The following OPCML variants were observed in gnomAD, a reference collection of about 807,000 sequenced individuals.
OPCML encodes the protein opioid-binding protein/cell adhesion molecule.
OPCML carries 13 observed loss-of-function variants against 37.8 expected under a neutral mutation model. That is an observed-to-expected ratio of 0.34 (90% CI 0.22 to 0.55). OPCML has a LOEUF of 0.55. OPCML is among the 20% of genes least tolerant of loss of function. The probability of loss-of-function intolerance (pLI) is 0.91; values close to 1 mark genes in which losing one functional copy is unlikely to be tolerated. For missense variants in OPCML, 341 were observed against 435.6 expected (o/e 0.78, Z 1.93); for synonymous variants, 176 against 168.8 (o/e 1.04, Z -0.33).
At position 132,861,045 on chromosome 11, in the gene OPCML, T is replaced by A. The variant is rs562762281; in HGVS notation, c.146+81881A>T. ...CCAGGGACTTTTGCAGATATTTTAA[T>A]TCACTGTATCTCATTTAATCCCACC... On this transcript the variant is annotated intron_variant, in intron 2 of 7. Transcript: ENST00000524381. 1.1e-3 allele frequency among the ~76,000 whole-genome samples: 170 copies of A among 152,358 alleles called. 1 individual carries two copies. Among genetic ancestry groups the A allele is most frequent in the African/African-American group, 4.0e-3 (167 of 41,584 alleles).
chr11:133,504,719 G>A lies in OPCML; in HGVS notation c.61+27545C>T, dbSNP rs1006698844. 7.2e-5 allele frequency among the ~76,000 whole-genome samples: 11 copies of A among 152,208 alleles called. No individual in the cohort carries two copies. In the East Asian group the frequency reaches 2.1e-3, roughly 29 times the overall value. On this transcript the variant is annotated intron_variant, in intron 1 of 7. Coordinates refer to ENST00000524381, the MANE Select transcript of OPCML (RefSeq NM_001012393.5). ...CCAGGAGCTAGCAGATAACAAGGGA[G>A]ATGAAATGACGAAGAGAGGAACCAT...
intron 4 of OPCML, among the ~76,000 whole-genome samples, chr11:132,481,556 G>A (rs1338411318): frequency 1.3e-5 from 2 of 150,852 alleles, no homozygotes; most frequent in Non-Finnish European, 3.0e-5. Context: ...ACTCAGCTCT[G>A]CACCAAGTGG....
intron 1 of OPCML, among the ~76,000 whole-genome samples, chr11:133,349,264 C>T (rs1944073760): frequency 6.6e-6 from 1 of 152,170 alleles, no homozygotes; most frequent in Non-Finnish European, 1.5e-5. Context: ...TCTCTCTGTA[C>T]ATTGTGCTAT....
chr11:133,106,002 A>AAAG (rs761213735), intron 1 of OPCML, among the ~76,000 whole-genome samples: 1 of 12,328 alleles, frequency 8.1e-5, no homozygotes, highest in Non-Finnish European at 1.6e-4. Flanking sequence ...AAAAAAAGAA[A>AAAG]AAAAGAATAC....
chr11:133,500,926 T>C (rs1214162526), intron 1 of OPCML, among the ~76,000 whole-genome samples: 1 of 149,950 alleles, frequency 6.7e-6, no homozygotes, highest in African/African-American at 2.5e-5. Context: ...TTAGGAAGCT[T>C]GCAGAGGGGG....
At chr11:133,094,793 G>A (rs1007879250) in intron 1 of OPCML, among the ~76,000 whole-genome samples, 1 of 152,100 alleles carries the variant, frequency 6.6e-6, no homozygotes, top group Admixed American at 6.6e-5. Context: ...CTAGAAATGA[G>A]TTTGCAATAA....
chr11:133,524,046 A>G (rs1447141936), intron 1 of OPCML, among the ~76,000 whole-genome samples: 2 of 152,228 alleles, frequency 1.3e-5, no homozygotes, highest in African/African-American at 4.8e-5. Context: ...TGTAAGCTTC[A>G]TGAGAGCAGG....
chr11:133,263,877 C>T (rs930298723), intron 1 of OPCML, among the ~76,000 whole-genome samples: 6 of 152,194 alleles, frequency 3.9e-5, no homozygotes, highest in Non-Finnish European at 7.3e-5. Flanking sequence ...CCAAGCTAAA[C>T]GTGGAGTTAT....
intron 1 of OPCML, among the ~76,000 whole-genome samples, chr11:133,229,898 T>A (rs873415): frequency 6.6e-6 from 1 of 152,220 alleles, no homozygotes; most frequent in Admixed American, 6.5e-5. Context: ...TGTGTGTGTG[T>A]GGATGTACAT....
chr11:132,716,380 ATCTG>A (rs1185984019), intron 2 of OPCML, among the ~76,000 whole-genome samples: 5 of 149,622 alleles, frequency 3.3e-5, no homozygotes, highest in African/African-American at 5.0e-5. Context: ...CTGTCTGTCT[ATCTG>A]TCTATTTATC....
At chr11:133,070,655 C>G (rs1948517678) in intron 1 of OPCML, among the ~76,000 whole-genome samples, 1 of 152,170 alleles carries the variant, frequency 6.6e-6, no homozygotes, top group African/African-American at 2.4e-5. Context: ...ATGCATAAAT[C>G]CAAGTTGTTT....
chr11:132,570,773 A>G (rs1228100822), intron 3 of OPCML, among the ~76,000 whole-genome samples: 1 of 107,196 alleles, frequency 9.3e-6, no homozygotes, highest in East Asian at 2.7e-4. Flanking sequence ...ATATATATAT[A>G]TATATATATA....
chr11:132,899,296 A>C (rs2659606), intron 2 of OPCML, among the ~76,000 whole-genome samples: 1 of 152,020 alleles, frequency 6.6e-6, no homozygotes, highest in South Asian at 2.1e-4. Flanking sequence ...TTTGGTGTAC[A>C]TATTATATAC....
intron 7 of OPCML, chr11:132,435,322 C>T (rs574897018): frequency 2.7e-5 from 29 of 1,085,508 alleles, no homozygotes; most frequent in East Asian, 1.8e-4. Flanking sequence ...CACGTGGAAA[C>T]GTGGATACCT....
At chr11:132,785,824 G>A (rs150580096) in intron 2 of OPCML, among the ~76,000 whole-genome samples, 1 of 152,182 alleles carries the variant, frequency 6.6e-6, no homozygotes, top group Non-Finnish European at 1.5e-5. Context: ...ACCTACAGAG[G>A]GAGACCTCAG....
At chr11:132,616,827 C>A (rs1173202373) in intron 3 of OPCML, among the ~76,000 whole-genome samples, 1 of 152,202 alleles carries the variant, frequency 6.6e-6, no homozygotes, top group Non-Finnish European at 1.5e-5. Flanking sequence ...TATTTCCACA[C>A]CCCTCAGACT....
At chr11:132,883,816 G>T (rs113718285) in intron 2 of OPCML, among the ~76,000 whole-genome samples, 2,008 of 152,166 alleles carry the variant, frequency 0.013, 38 homozygotes, top group African/African-American at 0.045. Context: ...GGGAGATTTC[G>T]CAAATTGCCC....
intron 1 of OPCML, among the ~76,000 whole-genome samples, chr11:133,515,023 T>C (rs1042331315): frequency 2.0e-5 from 3 of 152,248 alleles, no homozygotes; most frequent in African/African-American, 7.2e-5. Context: ...AATATGTTCA[T>C]CTTATTAGCC....
intron 5 of OPCML, 106 bp from the exon 6 acceptor site, chr11:132,436,885 G>T (rs1347535369): frequency 2.7e-6 from 4 of 1,489,552 alleles, no homozygotes; most frequent in Non-Finnish European, 3.6e-6. Context: ...CTATGTAAAT[G>T]GATTTCTTGT....
Sources: allele counts gnomAD v4.1 joint callset (sites outside exome capture counted in the v4.1 genomes callset), GRCh38; gene constraint gnomAD v4.1.1; transcripts MANE v1.5; gene names NCBI Gene and HGNC (gene_info 2026-07-23, HGNC 2026-07-21).